Variants in MAP4 observed in about 807,000 individuals in gnomAD.
The protein encoded by MAP4 is microtubule associated protein 4.
A neutral mutation model predicts 170.2 loss-of-function variants in MAP4; 76 were observed. That is an observed-to-expected ratio of 0.45 (90% confidence interval 0.37 to 0.54). MAP4 has a LOEUF of 0.54. Among genes scored for constraint, MAP4 ranks in the 20% least tolerant of loss-of-function variants. The pLI is 0.00. For synonymous variants in MAP4, 909 were observed against 994.5 expected, an observed-to-expected ratio of 0.91 and a Z score of 1.62; for missense variants, 2,506 against 2,748.0, an observed-to-expected ratio of 0.91 and a Z score of 1.97.
At chr3:48,062,222 A>T (rs1021469048) in intron 1 of MAP4, among the ~76,000 whole-genome samples, 4 of 148,320 alleles carry the variant, frequency 2.7e-5, no homozygotes, top group Non-Finnish European at 6.1e-5. Context: ...TCTCTGAAAC[A>T]TGTGCTGTGT....
intron 17 of MAP4, among the ~76,000 whole-genome samples, chr3:47,865,505 A>G (rs1032961156): frequency 2.3e-5 from 3 of 129,612 alleles, no homozygotes; most frequent in Non-Finnish European, 4.8e-5. Context: ...ACCAGGAAGG[A>G]GGGGCAGGAA....
At chr3:47,952,024 C>T (rs559770610) in intron 3 of MAP4, among the ~76,000 whole-genome samples, 12 of 148,672 alleles carry the variant, frequency 8.1e-5, no homozygotes, top group African/African-American at 2.0e-4. Flanking sequence ...ATGTGAGGAG[C>T]GCCTCTGCCC....
At chr3:47,992,766 T>C (rs1288430117) in intron 2 of MAP4, among the ~76,000 whole-genome samples, 1 of 151,942 alleles carries the variant, frequency 6.6e-6, no homozygotes, top group African/African-American at 2.4e-5. Flanking sequence ...TAGCTGGGCA[T>C]GGTAGCATGT....
At chr3:47,853,021 GAAT>G in intron 20 of MAP4, 83 bp from the exon 21 acceptor site, 3 of 1,614,242 alleles carry the variant, frequency 1.9e-6, no homozygotes, top group Non-Finnish European at 2.5e-6. Flanking sequence ...GACGAGACCA[GAAT>G]GTCATCATTA....
chr3:47,969,971 AG>A (rs1171736996), intron 3 of MAP4, among the ~76,000 whole-genome samples: 1 of 152,228 alleles, frequency 6.6e-6, no homozygotes, highest in African/African-American at 2.4e-5. Context: ...CATTCTATAC[AG>A]GTCCTCAAAA....
intron 1 of MAP4, among the ~76,000 whole-genome samples, chr3:48,066,904 G>A (rs775255376): frequency 5.0e-5 from 6 of 119,666 alleles, no homozygotes; most frequent in South Asian, 2.8e-4. Flanking sequence ...GCAGTGGTAC[G>A]ATCTCGGCTC....
chr3:47,870,968 G>C lies in MAP4; in HGVS notation c.6139C>G (p.Pro2047Ala). The change falls in exon 15 of 21, where the codon CCT becomes GCT. Residue 2047 changes from proline (P) to alanine (A), a missense_variant. By Grantham distance (27) the Pro-to-Ala change is conservative (BLOSUM62 -1). This residue lies in a region of MAP4 where 487 missense variants were observed against 511.6 expected (regional missense o/e 0.95). Coordinates refer to ENST00000683076, the MANE Select transcript of MAP4 (RefSeq NM_001385682.1). ...GAGGTGGGCTTCTTGTCTATGAAAGGAGTTGTGGAGGGCCGGGAGGGCATG... is the reference window on the plus strand; with the variant it reads ...GAGGTGGGCTTCTTGTCTATGAAAGCAGTTGTGGAGGGCCGGGAGGGCATG... ...TPMPSRPSTT[P>A]FIDKKPTSAK... 6.2e-7 allele frequency: 1 copy of C among 1,614,162 alleles called. No individual in the cohort carries two copies. Among genetic ancestry groups the C allele is most frequent in the Non-Finnish European group, 8.5e-7 (1 of 1,179,986 alleles).
In MAP4 at chr3:47,892,521, C is replaced by T. The variant is rs953738830; in HGVS notation, c.5434+10429G>A. 10 of 1,490,788 alleles carry T rather than the reference C, an allele frequency of 6.7e-6. No individual in the cohort carries two copies. In the East Asian group the frequency reaches 7.4e-5, roughly 11 times the overall value. The allele number at this position is 1,490,788 out of a possible 1,614,324, so 92.3% of individuals were successfully genotyped here. Reference sequence around the variant, plus strand: ...TCTCCTCCACTGCTCTCCCTGCTTTCGCTCCTGGAGCTCTAATACCACCTA... The same window carrying T: ...TCTCCTCCACTGCTCTCCCTGCTTTTGCTCCTGGAGCTCTAATACCACCTA... On this transcript the variant is annotated intron_variant, in intron 10 of 20. Coordinates refer to ENST00000683076, the MANE Select transcript of MAP4 (RefSeq NM_001385682.1).
chr3:48,009,827 G>A (rs1315425327), intron 1 of MAP4, among the ~76,000 whole-genome samples: 2 of 152,108 alleles, frequency 1.3e-5, no homozygotes, highest in Admixed American at 1.3e-4. Context: ...CTGGCCTAGA[G>A]GTCTTAATTC....
intron 4 of MAP4, among the ~76,000 whole-genome samples, chr3:47,926,547 C>G (rs981800141): frequency 6.6e-6 from 1 of 152,082 alleles, no homozygotes; most frequent in Admixed American, 6.6e-5. Context: ...GTCTACACAT[C>G]TATCAGGGAC....
rs528919344 is a variant in MAP4 at position 47,891,896 on chromosome 3, C to T, written c.5434+11054G>A. On this transcript the variant is annotated intron_variant, in intron 10 of 20. Transcript: ENST00000683076. ...CTCCATCTCTCCCGGAGTTGCTTCC[C>T]TTGAGCCCAGAGAGCCTTGAGCCAC... is the stretch of plus-strand genomic sequence containing the variant. The T allele has an allele frequency of 3.9e-6, 6 of 1,536,118 alleles. No homozygotes were observed. The East Asian group carries it at 1.5e-4, about 38-fold the overall frequency.
At chr3:47,921,900 A>G (rs1324760961) in intron 4 of MAP4, 22 bp from the exon 5 acceptor site, 2 of 1,039,162 alleles carry the variant, frequency 1.9e-6, no homozygotes, top group Admixed American at 3.5e-5. Flanking sequence ...AAGAAATCCA[A>G]AACTCATTCC....
In MAP4 at chr3:47,916,568, T is replaced by C; in HGVS notation, c.1259A>G (p.Gln420Arg). ...LVLLSEIEVA[Q>R]ANDIISSTEI... ...TGTGGATGATATAATGTCATTAGCCTGTGCCACCTCTATTTCTGAGAGTAA... is the reference window on the plus strand; with the variant it reads ...TGTGGATGATATAATGTCATTAGCCCGTGCCACCTCTATTTCTGAGAGTAA... Residue 420 changes from glutamine to arginine, a missense_variant, in exon 7 of 21, where the codon CAG (glutamine) becomes CGG (arginine). By Grantham distance (43) the Gln-to-Arg change is conservative. This residue lies in a region of MAP4 where 2,008 missense variants were observed against 2,206.0 expected (regional missense o/e 0.91). Coordinates refer to ENST00000683076, the MANE Select transcript of MAP4 (RefSeq NM_001385682.1). 1.2e-6 allele frequency: 2 copies of C among 1,614,174 alleles called. No individual in the cohort carries two copies. The highest frequency in any genetic ancestry group is 1.7e-6 in the Non-Finnish European group (2 of 1,179,974).
chr3:47,991,940 G>A (rs2100092597), intron 2 of MAP4, among the ~76,000 whole-genome samples: 1 of 151,564 alleles, frequency 6.6e-6, no homozygotes, highest in Admixed American at 6.6e-5. Flanking sequence ...CAAAGTGCTG[G>A]GATTATAGGC....
rs140982900 is a variant in MAP4, at chr3:48,026,019, G to T, written c.-19-27140C>A. Among the ~76,000 whole-genome samples the T allele has an allele frequency of 4.1e-3, 622 of 151,562 alleles. 5 individuals carry two copies. Among genetic ancestry groups the T allele is most frequent in the African/African-American group, 0.014 (588 of 41,394 alleles). ...AAAGCAAAGTCTATACATCTGAAGA[G>T]AAATTTCTTTTAAATATACTCTTCT... On this transcript the variant is annotated intron_variant, in intron 1 of 18. Transcript: ENST00000360240.
Position 47,855,112 on chromosome 3 carries a change from G to C in MAP4, c.6696+136C>G, listed in dbSNP as rs1576589695. 1.5e-6 allele frequency: 1 copy of C among 645,692 alleles called. No individual in the cohort carries two copies. Among genetic ancestry groups the C allele is most frequent in the East Asian group, 2.6e-5 (1 of 37,920 alleles). 40.0% of individuals were successfully genotyped at this position (645,692 alleles called of 1,614,324 possible). On this transcript the variant is annotated intron_variant, in intron 19 of 20. Transcript: ENST00000683076. This position sits in a 1 kb window ranked among gnomAD's most constrained non-coding sequence, Gnocchi z 5.1. The stretch of plus-strand genomic sequence containing the variant: ...ACTGATGATACACGGTGGGAAAACG[G>C]CAATGGTGTGGGTGAAGACATGACT...
intron 17 of MAP4, among the ~76,000 whole-genome samples, chr3:47,863,937 T>TGTGTGG (rs374208589): frequency 3.6e-5 from 5 of 138,460 alleles, no homozygotes; most frequent in African/African-American, 1.1e-4. Flanking sequence ...TGTGTGTGTG[T>TGTGTGG]GGGGAGTGGT....
intron 1 of MAP4, among the ~76,000 whole-genome samples, chr3:48,047,985 T>G (rs2100125476): frequency 6.6e-6 from 1 of 152,154 alleles, no homozygotes; most frequent in African/African-American, 2.4e-5. Flanking sequence ...CAGCCTATAG[T>G]TCCATCTACT....
In MAP4 at chr3:47,855,101, G is replaced by A. The variant is rs2149806635; in HGVS notation, c.6696+147C>T. The A allele has an allele frequency of 1.6e-6, 1 of 627,264 alleles. No homozygotes were observed. Among genetic ancestry groups the A allele is most frequent in the Admixed American group, 2.5e-5 (1 of 39,562 alleles). The allele number at this position is 627,264 out of a possible 1,614,324, so 38.9% of individuals were successfully genotyped here. ...CCTCAGTCAGGACTGATGATACACG[G>A]TGGGAAAACGGCAATGGTGTGGGTG... On this transcript the variant is annotated intron_variant, in intron 19 of 20. Transcript: ENST00000683076. This position sits in a 1 kb window ranked among gnomAD's most constrained non-coding sequence, Gnocchi z 5.1.
Sources: gnomAD v4.1 joint callset for allele counts (sites outside exome capture counted in the v4.1 genomes callset) on GRCh38, gnomAD v4.1.1 for gene constraint, gnomAD v4.1.1 regional missense constraint, Gnocchi (gnomAD v3.1) non-coding constraint, MANE v1.5 for transcripts, NCBI Gene and HGNC (gene_info 2026-07-23, HGNC 2026-07-21) for gene names.